The following CREB5 variants were observed in gnomAD, a reference collection of about 807,000 sequenced individuals.
CREB5 encodes the protein cyclic AMP-responsive element-binding protein 5.
Under a neutral mutation model 57.1 loss-of-function variants are expected in CREB5, and 19 were observed. That is an observed-to-expected ratio of 0.33 (90% CI 0.23 to 0.49). The LOEUF (loss-of-function observed/expected upper bound fraction) is 0.49, where lower values mean the gene tolerates loss of function less well. CREB5 is among the 20% of genes least tolerant of loss of function. The pLI, the probability that CREB5 is intolerant of heterozygous loss-of-function variation, is 0.99. For synonymous variants in CREB5, 238 were observed against 238.3 expected (o/e 1.00, Z 0.01); for missense variants, 579 against 671.6 (o/e 0.86, Z 1.52).
chr7:28,752,893 T>G (rs1425461034), intron 7 of CREB5, among the ~76,000 whole-genome samples: 6 of 127,730 alleles, frequency 4.7e-5, no homozygotes, highest in African/African-American at 9.3e-5. Flanking sequence ...TCTAAAGGGA[T>G]TTTTTTTTTT....
At chr7:28,369,224 A>C (rs896827505) in intron 1 of CREB5, among the ~76,000 whole-genome samples, 10 of 152,222 alleles carry the variant, frequency 6.6e-5, no homozygotes, top group African/African-American at 2.4e-4. Flanking sequence ...ATAGACGCAG[A>C]AATTTTTACT....
At chr7:28,425,581 G>T (rs1295753497) in intron 1 of CREB5, among the ~76,000 whole-genome samples, 1 of 152,170 alleles carries the variant, frequency 6.6e-6, no homozygotes, top group Non-Finnish European at 1.5e-5. Flanking sequence ...TGAGTGAATT[G>T]TATGGTATGT....
chr7:28,631,836 A>G (rs1798217616), intron 5 of CREB5, among the ~76,000 whole-genome samples: 1 of 152,194 alleles, frequency 6.6e-6, no homozygotes. Context: ...GGAGGGAAGC[A>G]CCATAAGGCG....
At chr7:28,695,680 C>T (rs920004710) in intron 5 of CREB5, among the ~76,000 whole-genome samples, 1 of 152,144 alleles carries the variant, frequency 6.6e-6, no homozygotes. Context: ...TCTCTTCTCT[C>T]CTCCCTCTCC....
intron 4 of CREB5, among the ~76,000 whole-genome samples, 156 bp from the exon 5 acceptor site, chr7:28,570,209 T>C (rs892085310): frequency 1.3e-5 from 2 of 152,180 alleles, no homozygotes; most frequent in African/African-American, 4.8e-5. Flanking sequence ...CGTAGCTGTA[T>C]GTTATAACAA....
chr7:28,770,803 A>C (rs191420340), intron 7 of CREB5, among the ~76,000 whole-genome samples: 36 of 152,368 alleles, frequency 2.4e-4, no homozygotes, highest in South Asian at 1.7e-3. Context: ...AGAATAGAGA[A>C]GATGGTCAAA....
chr7:28,793,601 C>T (rs1242441993), intron 7 of CREB5, among the ~76,000 whole-genome samples: 4 of 152,186 alleles, frequency 2.6e-5, no homozygotes, highest in Non-Finnish European at 5.9e-5. Context: ...TATTGAGATG[C>T]CCTCTGGGAA....
chr7:28,556,665 G>A (rs1051244767), intron 4 of CREB5, among the ~76,000 whole-genome samples: 6 of 152,222 alleles, frequency 3.9e-5, no homozygotes, highest in African/African-American at 9.6e-5. Flanking sequence ...ATTGTACTGG[G>A]TATTTTCTGA....
chr7:28,321,596 T>G (rs1448481767), intron 1 of CREB5, among the ~76,000 whole-genome samples: 1 of 152,168 alleles, frequency 6.6e-6, no homozygotes, highest in African/African-American at 2.4e-5. Flanking sequence ...TTGCTGTGTT[T>G]GTGTCCAGCC....
At chr7:28,344,065 T>A (rs945853510) in intron 1 of CREB5, among the ~76,000 whole-genome samples, 12 of 151,788 alleles carry the variant, frequency 7.9e-5, no homozygotes, top group South Asian at 4.2e-4. Flanking sequence ...TTTTTTGCTA[T>A]TGAGTTGAGT....
chr7:28,507,836 T>G, intron 4 of CREB5, 99 bp downstream of exon 4: 1 of 1,313,460 alleles, frequency 7.6e-7, no homozygotes, highest in Non-Finnish European at 1.0e-6. Context: ...GATGTGGCCT[T>G]GAAGTATTTT....
intron 8 of CREB5, among the ~76,000 whole-genome samples, chr7:28,808,632 G>T (rs952474546): frequency 1.3e-5 from 2 of 151,634 alleles, no homozygotes; most frequent in South Asian, 4.2e-4. Flanking sequence ...TCAACCTCCT[G>T]GGCTCAAGCA....
chr7:28,654,880 G>A (rs764241254), intron 5 of CREB5, among the ~76,000 whole-genome samples: 9 of 152,044 alleles, frequency 5.9e-5, no homozygotes, highest in Non-Finnish European at 1.3e-4. Flanking sequence ...AGAAGGGAAC[G>A]ACTCAGACCT....
At chr7:28,392,523 C>T (rs1787241435) in intron 1 of CREB5, among the ~76,000 whole-genome samples, 1 of 152,222 alleles carries the variant, frequency 6.6e-6, no homozygotes, top group African/African-American at 2.4e-5. Context: ...TGCCTTGCTT[C>T]TGACAGCCCA....
intron 1 of CREB5, among the ~76,000 whole-genome samples, chr7:28,483,907 A>G (rs902568552): frequency 1.3e-5 from 2 of 152,166 alleles, no homozygotes; most frequent in Admixed American, 6.5e-5. Context: ...AAAACTACTT[A>G]CCTCACCAAT....
chr7:28,790,089 G>A (rs1203411846), intron 7 of CREB5, among the ~76,000 whole-genome samples: 2 of 152,144 alleles, frequency 1.3e-5, no homozygotes, highest in Non-Finnish European at 2.9e-5. Context: ...TATTACTTAC[G>A]TTTAGGGAAA....
chr7:28,588,412 C>T (rs1022836059), intron 5 of CREB5, among the ~76,000 whole-genome samples: 2 of 152,132 alleles, frequency 1.3e-5, no homozygotes, highest in African/African-American at 4.8e-5. Flanking sequence ...CCTAAACGCC[C>T]AGCATGTTAT....
intron 7 of CREB5, 43 bp from the exon 8 acceptor site, chr7:28,804,156 C>T: frequency 1.9e-6 from 3 of 1,573,488 alleles, no homozygotes; most frequent in Non-Finnish European, 2.6e-6. Context: ...ATGTACATGA[C>T]TGACTTCAGT....
At chr7:28,343,905 T>C (rs1472654397) in intron 1 of CREB5, among the ~76,000 whole-genome samples, 1 of 152,224 alleles carries the variant, frequency 6.6e-6, no homozygotes, top group Non-Finnish European at 1.5e-5. Context: ...CCAAGTGGAG[T>C]AAAGTGATAT....
Sources: allele counts gnomAD v4.1 joint callset (sites outside exome capture counted in the v4.1 genomes callset), GRCh38; gene constraint gnomAD v4.1.1; transcripts MANE v1.5; gene names NCBI Gene and HGNC (gene_info 2026-07-23, HGNC 2026-07-21).